Variants in CCR5AS observed in about 807,000 individuals in gnomAD.
The protein encoded by CCR5AS is CCR5 antisense RNA.
At chr3:46,387,604 C>T (rs1314961610) in intron 2 of CCR5AS, among the ~76,000 whole-genome samples, 1 of 152,144 alleles carries the variant, frequency 6.6e-6, no homozygotes, top group African/African-American at 2.4e-5. Flanking sequence ...CAAAAATTAA[C>T]TGGGGGTGGT....
chr3:46,390,304 G>C (rs975805385), intron 2 of CCR5AS, among the ~76,000 whole-genome samples: 2 of 152,042 alleles, frequency 1.3e-5, no homozygotes, highest in African/African-American at 4.8e-5. Flanking sequence ...AAGATAGGAG[G>C]GTGTACGGGT....
intron 1 of CCR5AS, among the ~76,000 whole-genome samples, chr3:46,402,717 A>G (rs2106781511): frequency 6.6e-6 from 1 of 152,284 alleles, no homozygotes. Flanking sequence ...CAAATTTGTT[A>G]TTATGCATTT....
chr3:46,373,154 C>T, intron 2 of CCR5AS: 1 of 1,614,106 alleles, frequency 6.2e-7, no homozygotes, highest in Non-Finnish European at 8.5e-7. Context: ...TTACTGTCCC[C>T]TTCTGGGCTC....
chr3:46,376,717 T>C (rs1325643441), intron 2 of CCR5AS, among the ~76,000 whole-genome samples: 3 of 152,134 alleles, frequency 2.0e-5, no homozygotes, highest in Admixed American at 6.5e-5. Flanking sequence ...ATGACAATCA[T>C]GTACATTTGG....
chr3:46,383,195 G>C (rs762418899), intron 2 of CCR5AS, among the ~76,000 whole-genome samples: 1 of 152,206 alleles, frequency 6.6e-6, no homozygotes, highest in African/African-American at 2.4e-5. Context: ...GTAAGTAATG[G>C]ATGGAAAGGG....
At chr3:46,376,928 G>A (rs920815865) in intron 2 of CCR5AS, among the ~76,000 whole-genome samples, 33 of 152,290 alleles carry the variant, frequency 2.2e-4, no homozygotes, top group African/African-American at 7.9e-4. Context: ...AGACAGAACA[G>A]CTTGATCTGA....
At chr3:46,395,257 T>A (rs1701949142) in intron 1 of CCR5AS, among the ~76,000 whole-genome samples, 1 of 152,090 alleles carries the variant, frequency 6.6e-6, no homozygotes, top group Non-Finnish European at 1.5e-5. Flanking sequence ...GAGTTGGATA[T>A]CCTGGGGGAC....
At chr3:46,364,389 C>T (rs1336191967), downstream of CCR5AS, among the ~76,000 whole-genome samples, 1 of 152,210 alleles carries the variant, frequency 6.6e-6, no homozygotes, top group African/African-American at 2.4e-5. Flanking sequence ...GATGACAACA[C>T]ATCTGTTTAC....
chr3:46,400,810 T>C (rs1451058796), intron 1 of CCR5AS, among the ~76,000 whole-genome samples: 2 of 152,044 alleles, frequency 1.3e-5, no homozygotes, highest in Admixed American at 6.5e-5. Flanking sequence ...AGCAGTGAGG[T>C]GGAGCAGAGA....
chr3:46,370,541 C>T (rs977942875), intron 3 of CCR5AS, among the ~76,000 whole-genome samples: 2 of 152,206 alleles, frequency 1.3e-5, no homozygotes. Context: ...TCAGAATTTT[C>T]TTAACCTTTT....
chr3:46,388,014 G>A (rs1380473032), intron 2 of CCR5AS, among the ~76,000 whole-genome samples: 8 of 152,178 alleles, frequency 5.3e-5, no homozygotes, highest in Admixed American at 4.6e-4. Flanking sequence ...GTTAAGGCAG[G>A]AACTGGGTAT....
chr3:46,401,687 A>G (rs773025441), intron 1 of CCR5AS, among the ~76,000 whole-genome samples: 2 of 152,160 alleles, frequency 1.3e-5, no homozygotes, highest in African/African-American at 2.4e-5. Flanking sequence ...TGGGCCCCTC[A>G]GTCAATTAGG....
intron 2 of CCR5AS, among the ~76,000 whole-genome samples, chr3:46,384,740 T>C (rs1227337764): frequency 6.6e-6 from 1 of 152,130 alleles, no homozygotes; most frequent in Non-Finnish European, 1.5e-5. Context: ...GAGTAGGAAC[T>C]CTTATGCAAA....
At chr3:46,382,184 G>A (rs1265259792) in intron 2 of CCR5AS, among the ~76,000 whole-genome samples, 2 of 152,196 alleles carry the variant, frequency 1.3e-5, no homozygotes, top group Non-Finnish European at 2.9e-5. Context: ...CCTTTTCTTT[G>A]TCAACCAAGT....
intron 2 of CCR5AS, among the ~76,000 whole-genome samples, chr3:46,383,790 A>C (rs543165887): frequency 6.6e-6 from 1 of 152,202 alleles, no homozygotes; most frequent in Non-Finnish European, 1.5e-5. Flanking sequence ...TGCACTAACC[A>C]TCTGCAGCTC....
chr3:46,406,511 G>T (rs918240766), intron 1 of CCR5AS, among the ~76,000 whole-genome samples: 1 of 151,284 alleles, frequency 6.6e-6, no homozygotes, highest in Non-Finnish European at 1.5e-5. Context: ...CCTTCTCTCT[G>T]GACTCAAACC....
Position 46,373,918 on chromosome 3 carries a change from A to T in CCR5AS, n.392-2501T>A, listed in dbSNP as rs1800945. 8.2e-4 allele frequency: 1,302 copies of T among 1,594,584 alleles called. 4 individuals carry two copies. The African/African-American group carries it at 0.011, about 13-fold the overall frequency. ...GCTCCCGAGCGAGCAAGCTCAGTTTACACCCGATCCACTGGGGAGCAGGAA... is the reference window on the plus strand; with the variant it reads ...GCTCCCGAGCGAGCAAGCTCAGTTTTCACCCGATCCACTGGGGAGCAGGAA... On this transcript the variant is annotated intron_variant and non_coding_transcript_variant, in intron 2 of 3. Coordinates refer to ENST00000451485, the Ensembl canonical transcript of CCR5AS.
intron 1 of CCR5AS, among the ~76,000 whole-genome samples, chr3:46,404,327 CTTTTTTTTTT>C (rs10567130): frequency 1.3e-5 from 1 of 75,910 alleles, no homozygotes; most frequent in Non-Finnish European, 2.2e-5. Flanking sequence ...CTCTCTCTCT[CTTTTTTTTTT>C]TTTTTTTTTT....
intron 2 of CCR5AS, among the ~76,000 whole-genome samples, chr3:46,385,165 G>T (rs142419555): frequency 4.3e-4 from 65 of 152,280 alleles, no homozygotes; most frequent in African/African-American, 1.4e-3. Context: ...CCCCATTCAC[G>T]TGTTAATTCA....
Sources: gnomAD v4.1 joint callset for allele counts (sites outside exome capture counted in the v4.1 genomes callset) on GRCh38, gnomAD v4.1.1 for gene constraint, MANE v1.5 for transcripts, NCBI Gene and HGNC (gene_info 2026-07-23, HGNC 2026-07-21) for gene names.